The following MRPS25 variants were observed in gnomAD, a reference collection of about 807,000 sequenced individuals.
MRPS25 encodes small ribosomal subunit protein mS25.
A neutral mutation model predicts 17.3 loss-of-function variants in MRPS25; 15 were observed. The observed-to-expected ratio is 0.87, with a 90% CI of 0.58 to 1.34. MRPS25 has a LOEUF of 1.34. MRPS25 is among the 40% of genes most tolerant of loss of function. MRPS25 has a pLI of 0.00. For missense variants in MRPS25, 225 were observed against 218.6 expected (o/e 1.03, Z -0.19); for synonymous variants, 94 against 83.3 (o/e 1.13, Z -0.70).
At chr3:15,058,198 CT>C (rs1050767871) in intron 2 of MRPS25, among the ~76,000 whole-genome samples, 1 of 148,542 alleles carries the variant, frequency 6.7e-6, no homozygotes, top group African/African-American at 2.5e-5. Flanking sequence ...AATCTTTTTT[CT>C]TTTTTTTTGA....
chr3:15,061,345 G>A (rs1304656923), intron 1 of MRPS25, among the ~76,000 whole-genome samples: 4 of 152,044 alleles, frequency 2.6e-5, no homozygotes, highest in Non-Finnish European at 5.9e-5. Context: ...CCTGCCCAGC[G>A]CCTGCGATTG....
At chr3:15,044,674 C>G (rs926537943), downstream of MRPS25, 6 of 152,226 alleles carry the variant, frequency 3.9e-5, no homozygotes, top group African/African-American at 1.4e-4. Context: ...AAAAAGATCC[C>G]TGGACACTCC....
At chr3:15,045,622 C>T (rs2042421490), downstream of MRPS25, 2 of 152,648 alleles carry the variant, frequency 1.3e-5, no homozygotes, top group Non-Finnish European at 2.9e-5. Context: ...CATTTCAAGC[C>T]TCTGACTGCA....
rs866705304 is a variant in MRPS25 at position 15,062,483 on chromosome 3, A to G, written c.134+2578T>C. The stretch of plus-strand genomic sequence containing the variant: ...CCCTGCCCGGCCAGCCGCCCCGTCC[A>G]GGAGGTGAGGGGCGCCTCTGCCCGG... On this transcript the variant is annotated intron_variant, in intron 1 of 3. Coordinates refer to ENST00000253686, the MANE Select transcript of MRPS25 (RefSeq NM_022497.5). 3.3e-4 allele frequency among the ~76,000 whole-genome samples: 44 copies of G among 131,844 alleles called. 1 individual carries two copies. Among genetic ancestry groups the G allele is most frequent in the South Asian group, 3.2e-3 (12 of 3,738 alleles). 86.5% of individuals were successfully genotyped at this position (131,844 alleles called of 152,430 possible). A position where few individuals can be genotyped will look rare whatever the true frequency, so the allele number is the denominator to read the frequency against.
intron 1 of MRPS25, among the ~76,000 whole-genome samples, chr3:15,064,727 G>C (rs2042830443): frequency 6.6e-6 from 1 of 152,246 alleles, no homozygotes. Context: ...ATCTGCGGCT[G>C]CCCCTCCCCA....
chr3:15,044,884 G>A (rs1017460724), downstream of MRPS25: 3 of 152,246 alleles, frequency 2.0e-5, no homozygotes, highest in South Asian at 2.1e-4. Flanking sequence ...GGGTAAGTGG[G>A]AACAGTGTTT....
chr3:15,045,692 T>TTA (rs2042425787), downstream of MRPS25: 1 of 152,680 alleles, frequency 6.5e-6, no homozygotes. Context: ...CAAGAATTAC[T>TTA]TAAAGAGATG....
At position 15,052,318 on chromosome 3, in the gene MRPS25, A is replaced by G; in HGVS notation, c.*123T>C. On this transcript the variant is annotated 3_prime_UTR_variant, in exon 4 of 4. Coordinates refer to ENST00000253686, the MANE Select transcript of MRPS25 (RefSeq NM_022497.5). Reference sequence around the variant, plus strand: ...TTACACAGGTGTGTAAAGTCCTTTTAATGCAAAAGGATTTCCAGAGTCTCC... The same window carrying G: ...TTACACAGGTGTGTAAAGTCCTTTTGATGCAAAAGGATTTCCAGAGTCTCC... 4.0e-6 allele frequency: 6 copies of G among 1,483,026 alleles called. No homozygotes were observed. The South Asian group carries it at 8.4e-5, about 21-fold the overall frequency. 91.9% of individuals were successfully genotyped at this position (1,483,026 alleles called of 1,614,324 possible). A position where few individuals can be genotyped will look rare whatever the true frequency, so the allele number is the denominator to read the frequency against.
In MRPS25 at chr3:15,051,096, C is replaced by T. The variant is rs2125131129; in HGVS notation, c.*1345G>A. 1.0e-6 allele frequency: 1 copy of T among 985,382 alleles called. No individual in the cohort carries two copies. Among genetic ancestry groups the T allele is most frequent in the Non-Finnish European group, 1.2e-6 (1 of 829,914 alleles). 61.0% of individuals were successfully genotyped at this position (985,382 alleles called of 1,614,324 possible). A position where few individuals can be genotyped will look rare whatever the true frequency, so the allele number is the denominator to read the frequency against. ...CTTTTTTAATTCTTTTAACCACTGC[C>T]TTCCTGTCTCAGATAAAGTCAGGTC... On this transcript the variant is annotated 3_prime_UTR_variant, in exon 4 of 4. Coordinates refer to ENST00000253686, the MANE Select transcript of MRPS25 (RefSeq NM_022497.5).
downstream of MRPS25, chr3:15,046,124 T>G (rs1320117690): frequency 6.6e-6 from 1 of 152,264 alleles, no homozygotes; most frequent in Non-Finnish European, 1.5e-5. Flanking sequence ...ACTCTCCTAA[T>G]TTGACATTTC....
downstream of MRPS25, chr3:15,043,528 G>T (rs756454371): frequency 6.5e-6 from 1 of 152,710 alleles, no homozygotes; most frequent in Non-Finnish European, 1.5e-5. Context: ...AATGATTTCT[G>T]TGAAAACTCA....
chr3:15,065,017 A>G (rs2042834150), intron 1 of MRPS25, 44 bp downstream of exon 1: 1 of 1,568,948 alleles, frequency 6.4e-7, no homozygotes, highest in Non-Finnish European at 8.6e-7. Context: ...GGCTGGCACG[A>G]CTAGCAGGTT....
At chr3:15,056,936 A>G (rs892546783) in intron 2 of MRPS25, among the ~76,000 whole-genome samples, 3 of 152,228 alleles carry the variant, frequency 2.0e-5, no homozygotes, top group Non-Finnish European at 2.9e-5. Flanking sequence ...CCTTAAATAC[A>G]TAACTGCTCT....
intron 1 of MRPS25, among the ~76,000 whole-genome samples, chr3:15,060,776 G>A (rs1224730030): frequency 1.3e-5 from 2 of 152,148 alleles, no homozygotes; most frequent in African/African-American, 4.8e-5. Context: ...AGCTACTCAG[G>A]AGGCTGAGGC....
chr3:15,046,678 G>A (rs2042463748), downstream of MRPS25: 1 of 152,406 alleles, frequency 6.6e-6, no homozygotes, highest in African/African-American at 2.4e-5. Context: ...GTGCAATGGG[G>A]TCATAGGTAA....
rs1191318733 is a variant in MRPS25, at chr3:15,065,313, C to T, written c.-119G>A. 3 of 1,383,088 alleles carry T rather than the reference C, an allele frequency of 2.2e-6. No homozygotes were observed. In the East Asian group the frequency reaches 8.1e-5, roughly 38 times the overall value. 85.7% of individuals were successfully genotyped at this position (1,383,088 alleles called of 1,614,324 possible). A position where few individuals can be genotyped will look rare whatever the true frequency, so the allele number is the denominator to read the frequency against. ...CTCCCCAGAGCCAGGTTCCACTTCC[C>T]GCGCAGACGCACAGGAGACGCTTCC... On this transcript the variant is annotated 5_prime_UTR_variant, in exon 1 of 4. Coordinates refer to ENST00000253686, the MANE Select transcript of MRPS25 (RefSeq NM_022497.5).
chr3:15,049,989 G>GC lies in MRPS25; in HGVS notation c.*2451dup. 1 of 1,472,598 alleles carries GC rather than the reference G, an allele frequency of 6.8e-7. No individual in the cohort carries two copies. The highest frequency in any genetic ancestry group is 2.7e-5 in the East Asian group (1 of 37,186). 91.2% of individuals were successfully genotyped at this position (1,472,598 alleles called of 1,614,324 possible). A position where few individuals can be genotyped will look rare whatever the true frequency, so the allele number is the denominator to read the frequency against. On this transcript the variant is annotated 3_prime_UTR_variant, in exon 4 of 4. Transcript: ENST00000253686. ...GAATAAGGCTGTGAACACTGCTTGT[G>GC]CAAGTAAAATTAAGAACATGTTATC...
rs1279237205 is a variant in MRPS25, at chr3:15,050,958, C to A, written c.*1483G>T. 4 of 985,120 alleles carry A rather than the reference C, an allele frequency of 4.1e-6. No individual in the cohort carries two copies. Among genetic ancestry groups the A allele is most frequent in the Non-Finnish European group, 3.6e-6 (3 of 829,830 alleles). 61.0% of individuals were successfully genotyped at this position (985,120 alleles called of 1,614,324 possible). On this transcript the variant is annotated 3_prime_UTR_variant, in exon 4 of 4. Coordinates refer to ENST00000253686, the MANE Select transcript of MRPS25 (RefSeq NM_022497.5). ...ATGTGGCAGAAAAGGTAACCTTTTC[C>A]CCATTTTACAGACAAAACCAGTTAC...
At chr3:15,062,024 C>T (rs1250083481) in intron 1 of MRPS25, among the ~76,000 whole-genome samples, 3 of 150,160 alleles carry the variant, frequency 2.0e-5, no homozygotes, top group Non-Finnish European at 3.0e-5. Context: ...GCCCGGCAGC[C>T]GCCCCGTCCG....
Sources: gnomAD v4.1 joint callset for allele counts (sites outside exome capture counted in the v4.1 genomes callset) on GRCh38, gnomAD v4.1.1 for gene constraint, MANE v1.5 for transcripts, NCBI Gene and HGNC (gene_info 2026-07-23, HGNC 2026-07-21) for gene names.